GPC6: variants seen among roughly 807,000 people sequenced by gnomAD.
GPC6 encodes the protein glypican-6.
Under a neutral mutation model 55.2 loss-of-function variants are expected in GPC6, and 14 were observed. That is an observed-to-expected ratio of 0.25 (90% CI 0.17 to 0.40). The LOEUF (loss-of-function observed/expected upper bound fraction) is 0.40, where lower values mean the gene tolerates loss of function less well. Among genes scored for constraint, GPC6 ranks in the 10% least tolerant of loss-of-function variants. The pLI is 1.00. For missense variants in GPC6, 641 were observed against 708.5 expected, an observed-to-expected ratio of 0.90 and a Z score of 1.08; for synonymous variants, 278 against 259.6, an observed-to-expected ratio of 1.07 and a Z score of -0.68.
chr13:93,361,282 C>T (rs930383339), intron 1 of GPC6, among the ~76,000 whole-genome samples: 1 of 152,122 alleles, frequency 6.6e-6, no homozygotes, highest in Non-Finnish European at 1.5e-5. Context: ...GTTCAAAACC[C>T]CATTGCTTCT....
chr13:93,544,420 A>C (rs981529024), intron 1 of GPC6, among the ~76,000 whole-genome samples: 1 of 152,174 alleles, frequency 6.6e-6, no homozygotes, highest in Non-Finnish European at 1.5e-5. Flanking sequence ...TGTTGGTTTT[A>C]TTTAGCAAGA....
chr13:93,510,539 TACC>T (rs1880915892), intron 1 of GPC6, among the ~76,000 whole-genome samples: 1 of 152,122 alleles, frequency 6.6e-6, no homozygotes, highest in African/African-American at 2.4e-5. Context: ...TGTGTATATA[TACC>T]ACATTTTCTT....
rs1053125529 is a variant in GPC6 at position 93,983,683 on chromosome 13, G to A, written c.712-44046G>A. Reference sequence around the variant, plus strand: ...TATACAGTTGTTAAACAAGAAAAAGGAGAGATAGACAGACAGACAGAGAAC... The same window carrying A: ...TATACAGTTGTTAAACAAGAAAAAGAAGAGATAGACAGACAGACAGAGAAC... On this transcript the variant is annotated intron_variant, in intron 3 of 8. Transcript: ENST00000377047. Among the ~76,000 whole-genome samples, 9 of 151,832 alleles carry A rather than the reference G, an allele frequency of 5.9e-5. No individual in the cohort carries two copies. In the South Asian group the frequency reaches 6.2e-4, roughly 11 times the overall value.
intron 4 of GPC6, among the ~76,000 whole-genome samples, chr13:94,139,437 T>C (rs1269458630): frequency 6.6e-6 from 1 of 152,188 alleles, no homozygotes; most frequent in East Asian, 1.9e-4. Flanking sequence ...GTCAGGTAAA[T>C]GAAGCTAAAT....
chr13:93,349,107 G>A (rs1377172785), intron 1 of GPC6, among the ~76,000 whole-genome samples: 1 of 152,072 alleles, frequency 6.6e-6, no homozygotes, highest in African/African-American at 2.4e-5. Flanking sequence ...ACATAATTTG[G>A]CCTTTACTAG....
chr13:93,305,797 T>C (rs1227898211), intron 1 of GPC6, among the ~76,000 whole-genome samples: 1 of 152,228 alleles, frequency 6.6e-6, no homozygotes, highest in Non-Finnish European at 1.5e-5. Context: ...TAGTTTCCTA[T>C]TTCCTAAATG....
chr13:93,753,667 T>C (rs1884673842), intron 2 of GPC6, among the ~76,000 whole-genome samples: 1 of 152,172 alleles, frequency 6.6e-6, no homozygotes, highest in Non-Finnish European at 1.5e-5. Context: ...TATCAAACAG[T>C]AGGTCTTATT....
At chr13:93,865,750 G>A (rs1311865284) in intron 3 of GPC6, among the ~76,000 whole-genome samples, 1 of 151,666 alleles carries the variant, frequency 6.6e-6, no homozygotes, top group Non-Finnish European at 1.5e-5. Flanking sequence ...ATGGGAAAGA[G>A]AGCTAATTCA....
intron 3 of GPC6, among the ~76,000 whole-genome samples, chr13:93,901,379 C>G (rs1876341513): frequency 6.6e-6 from 1 of 150,850 alleles, no homozygotes; most frequent in Non-Finnish European, 1.5e-5. Context: ...CACCTCACTA[C>G]TTTTTTTTGT....
chr13:94,261,719 C>T (rs564554330), intron 4 of GPC6, among the ~76,000 whole-genome samples: 1 of 152,284 alleles, frequency 6.6e-6, no homozygotes, highest in East Asian at 1.9e-4. Flanking sequence ...AGAGCCCCAT[C>T]ATGACACACA....
chr13:94,222,199 G>T (rs1475666734), intron 4 of GPC6, among the ~76,000 whole-genome samples: 1 of 151,800 alleles, frequency 6.6e-6, no homozygotes, highest in African/African-American at 2.4e-5. Flanking sequence ...TTCATGTTTT[G>T]GGTCAAATGT....
At chr13:93,492,648 G>T (rs991414358) in intron 1 of GPC6, among the ~76,000 whole-genome samples, 6 of 150,644 alleles carry the variant, frequency 4.0e-5, no homozygotes, top group African/African-American at 1.5e-4. Context: ...GTATGATATT[G>T]GCTGTGGGTT....
At chr13:93,461,850 C>T (rs1177918838) in intron 1 of GPC6, among the ~76,000 whole-genome samples, 1 of 152,162 alleles carries the variant, frequency 6.6e-6, no homozygotes, top group Non-Finnish European at 1.5e-5. Context: ...TTGCATTTCC[C>T]TCTTTACGTT....
At chr13:93,314,754 T>TGTGTGCGC (rs1555290021) in intron 1 of GPC6, among the ~76,000 whole-genome samples, 10 of 149,400 alleles carry the variant, frequency 6.7e-5, no homozygotes, top group South Asian at 2.1e-4. Context: ...TGTGTGTGTG[T>TGTGTGCGC]GTGCACGCAT....
intron 1 of GPC6, among the ~76,000 whole-genome samples, chr13:93,532,435 A>G (rs1166498894): frequency 1.3e-5 from 2 of 152,336 alleles, no homozygotes; most frequent in Admixed American, 6.5e-5. Context: ...GTATAAATTG[A>G]ATAAATTGTA....
At position 93,559,735 on chromosome 13, in the gene GPC6, T is replaced by G. The variant is rs189708012; in HGVS notation, c.319+14314T>G. 3.3e-5 allele frequency among the ~76,000 whole-genome samples: 5 copies of G among 152,348 alleles called. No individual in the cohort carries two copies. The East Asian group carries it at 9.6e-4, about 29-fold the overall frequency. ...TTAAATCCTCATAGAAAATGCATAA[T>G]TCTTAAAGGCAGCTAACATCTCCAT... On this transcript the variant is annotated intron_variant, in intron 2 of 8. Transcript: ENST00000377047.
At chr13:93,708,128 A>G (rs571068597) in intron 2 of GPC6, among the ~76,000 whole-genome samples, 1 of 151,972 alleles carries the variant, frequency 6.6e-6, no homozygotes. Flanking sequence ...TTTTGAATAT[A>G]ATCTTATTTC....
intron 2 of GPC6, among the ~76,000 whole-genome samples, chr13:93,688,898 T>TA (rs1882151878): frequency 6.6e-6 from 1 of 152,056 alleles, no homozygotes; most frequent in Non-Finnish European, 1.5e-5. Flanking sequence ...ATTGCACACT[T>TA]ACAAATGTTA....
chr13:93,827,632 G>A (rs964408196), intron 2 of GPC6, among the ~76,000 whole-genome samples: 4 of 152,112 alleles, frequency 2.6e-5, no homozygotes, highest in African/African-American at 9.7e-5. Context: ...TGACTTTGAG[G>A]ATCAGTGAAG....
Sources: gnomAD v4.1 joint callset for allele counts (sites outside exome capture counted in the v4.1 genomes callset) on GRCh38, gnomAD v4.1.1 for gene constraint, MANE v1.5 for transcripts, NCBI Gene and HGNC (gene_info 2026-07-23, HGNC 2026-07-21) for gene names.